Variants in PLA2G4A observed in about 807,000 individuals in gnomAD.
PLA2G4A encodes the protein cytosolic phospholipase A2.
In PLA2G4A, 40 loss-of-function variants were observed where a neutral mutation model predicts 81.9. That is an observed-to-expected ratio of 0.49 (90% CI 0.38 to 0.64). The LOEUF is 0.64. Among genes scored for constraint, PLA2G4A ranks in the 30% least tolerant of loss-of-function variants. The pLI is 0.00. For synonymous variants in PLA2G4A, 302 were observed against 296.9 expected (o/e 1.02, Z -0.18); for missense variants, 715 against 905.1 (o/e 0.79, Z 2.69).
chr1:186,936,389 C>T (rs1434229845), intron 8 of PLA2G4A, among the ~76,000 whole-genome samples: 1 of 151,974 alleles, frequency 6.6e-6, no homozygotes, highest in African/African-American at 2.4e-5. Context: ...TAATGAATCT[C>T]TCTTACCTAG....
chr1:186,986,690 A>G (rs1366100649), intron 17 of PLA2G4A, among the ~76,000 whole-genome samples: 1 of 152,232 alleles, frequency 6.6e-6, no homozygotes, highest in Admixed American at 6.5e-5. Context: ...TGTACCAGGT[A>G]TTGTGCCAAG....
intron 1 of PLA2G4A, among the ~76,000 whole-genome samples, chr1:186,832,244 A>T (rs1310865737): frequency 1.3e-5 from 2 of 152,044 alleles, no homozygotes; most frequent in Non-Finnish European, 2.9e-5. Flanking sequence ...TATATATGTT[A>T]GTATACATTT....
chr1:186,976,151 C>T (rs1657521360), intron 15 of PLA2G4A, among the ~76,000 whole-genome samples: 1 of 152,034 alleles, frequency 6.6e-6, no homozygotes, highest in African/African-American at 2.4e-5. Flanking sequence ...GCTATAAATC[C>T]CATAACAACA....
Position 186,975,175 on chromosome 1 carries a change from G to A in PLA2G4A, c.1765-2418G>A, listed in dbSNP as rs184088071. Among the ~76,000 whole-genome samples, 6 of 152,274 alleles carry A rather than the reference G, an allele frequency of 3.9e-5. No individual in the cohort carries two copies. In the East Asian group the frequency reaches 9.6e-4, roughly 24 times the overall value. On this transcript the variant is annotated intron_variant, in intron 15 of 17. Transcript: ENST00000367466. ...AACAGTGCTGGACAAGAAATAACAA[G>A]CTGATTAATTTAGCTGAATAGAGGG...
At chr1:186,981,756 T>A (rs1441042870) in intron 17 of PLA2G4A, among the ~76,000 whole-genome samples, 1 of 152,100 alleles carries the variant, frequency 6.6e-6, no homozygotes, top group Admixed American at 6.6e-5. Flanking sequence ...AACAATACCA[T>A]CAGGTTTTTA....
chr1:186,972,736 G>A (rs1353354893), intron 15 of PLA2G4A, among the ~76,000 whole-genome samples: 1 of 151,898 alleles, frequency 6.6e-6, no homozygotes, highest in Non-Finnish European at 1.5e-5. Context: ...AATGAGGGAA[G>A]GAGAGAAGGA....
chr1:186,878,518 G>A (rs1035244276), intron 3 of PLA2G4A, among the ~76,000 whole-genome samples: 18 of 151,470 alleles, frequency 1.2e-4, no homozygotes, highest in African/African-American at 4.4e-4. Context: ...TCTTTTCATG[G>A]AAGATAATTT....
intron 3 of PLA2G4A, among the ~76,000 whole-genome samples, chr1:186,884,255 C>T (rs1653847539): frequency 6.7e-6 from 1 of 149,792 alleles, no homozygotes; most frequent in Admixed American, 6.6e-5. Context: ...TAATCCTCCC[C>T]CTTTTTTTTT....
At chr1:186,830,438 T>C (rs545378368) in intron 1 of PLA2G4A, among the ~76,000 whole-genome samples, 91 of 151,854 alleles carry the variant, frequency 6.0e-4, no homozygotes, top group African/African-American at 2.1e-3. Context: ...TGAAACCCCA[T>C]CTCTACTAAA....
rs559872319 is a variant in PLA2G4A at position 186,954,616 on chromosome 1, G to A, written c.1337-1486G>A. Among the ~76,000 whole-genome samples the A allele has an allele frequency of 7.3e-5, 11 of 151,462 alleles. No individual in the cohort carries two copies. The South Asian group carries it at 2.3e-3, about 32-fold the overall frequency. ...AAATATATATTTATTATGGTTTTATGTATGTTTAGTTTACATTTATTGGAA... is the reference window on the plus strand; with the variant it reads ...AAATATATATTTATTATGGTTTTATATATGTTTAGTTTACATTTATTGGAA... On this transcript the variant is annotated intron_variant, in intron 13 of 17. Transcript: ENST00000367466.
chr1:186,921,686 G>T (rs1165839778), intron 7 of PLA2G4A, among the ~76,000 whole-genome samples: 1 of 152,044 alleles, frequency 6.6e-6, no homozygotes, highest in Non-Finnish European at 1.5e-5. Context: ...CCTTCCTTTT[G>T]ATAAGGAGGG....
At chr1:186,831,406 C>T (rs550237821) in intron 1 of PLA2G4A, among the ~76,000 whole-genome samples, 1 of 152,248 alleles carries the variant, frequency 6.6e-6, no homozygotes, top group African/African-American at 2.4e-5. Flanking sequence ...AACCAGGTGA[C>T]CTAGGTTCTA....
intron 15 of PLA2G4A, among the ~76,000 whole-genome samples, chr1:186,969,921 A>G (rs543549639): frequency 2.0e-5 from 3 of 152,132 alleles, no homozygotes; most frequent in Non-Finnish European, 1.5e-5. Context: ...TTTTGGGTAT[A>G]TACCCAGTAA....
Position 186,950,677 on chromosome 1 carries a change from A to T in PLA2G4A, c.1285A>T (p.Ile429Phe), listed in dbSNP as rs1656525160. The change falls in exon 13 of 18, where the codon ATT (isoleucine) becomes TTT (phenylalanine). Residue 429 changes from isoleucine (I) to phenylalanine (F), a missense_variant. Transcript: ENST00000367466. ...CACAGAAAATATTACCACAAAGCAT[A>T]TTGTGAGTAATGATAGCTCGGACAG... ...EELENITTKH[I>F]VSNDSSDSDD... 1 of 1,595,158 alleles carries T rather than the reference A, an allele frequency of 6.3e-7. No individual in the cohort carries two copies. The highest frequency in any genetic ancestry group is 1.7e-5 in the Admixed American group (1 of 59,890).
intron 3 of PLA2G4A, among the ~76,000 whole-genome samples, chr1:186,883,945 T>A (rs1308473222): frequency 6.6e-6 from 1 of 152,126 alleles, no homozygotes; most frequent in Non-Finnish European, 1.5e-5. Flanking sequence ...AGAGAAAAGA[T>A]CTGGAAGAAT....
chr1:186,983,865 C>T (rs1423295207), intron 17 of PLA2G4A, among the ~76,000 whole-genome samples: 1 of 152,000 alleles, frequency 6.6e-6, no homozygotes, highest in African/African-American at 2.4e-5. Flanking sequence ...GTTAACCTTT[C>T]TAAATTTTGC....
chr1:186,916,064 C>T (rs767678314), intron 7 of PLA2G4A, among the ~76,000 whole-genome samples: 31 of 152,210 alleles, frequency 2.0e-4, no homozygotes, highest in Admixed American at 9.2e-4. Flanking sequence ...GCTACACACT[C>T]GGCTAGTTGC....
chr1:186,900,741 T>A (rs1214375846), intron 5 of PLA2G4A, among the ~76,000 whole-genome samples: 1 of 152,178 alleles, frequency 6.6e-6, no homozygotes, highest in African/African-American at 2.4e-5. Context: ...CAGATAAGAT[T>A]ATGCTTCTTT....
At chr1:186,907,104 C>A (rs1654766047) in intron 6 of PLA2G4A, 102 bp downstream of exon 6, 1 of 693,878 alleles carries the variant, frequency 1.4e-6, no homozygotes, top group Non-Finnish European at 2.6e-6. Context: ...CAGCTGTGAA[C>A]ATATAGAAGT....
Sources: gnomAD v4.1 joint callset for allele counts (sites outside exome capture counted in the v4.1 genomes callset) on GRCh38, gnomAD v4.1.1 for gene constraint, MANE v1.5 for transcripts, NCBI Gene and HGNC (gene_info 2026-07-23, HGNC 2026-07-21) for gene names.